TRANK1: variants seen among roughly 807,000 people sequenced by gnomAD.
TRANK1 encodes the protein tetratricopeptide repeat and ankyrin repeat containing 1, also known as TPR and ankyrin repeat-containing protein 1.
A neutral mutation model predicts 266.0 loss-of-function variants in TRANK1; 198 were observed. The ratio of observed to expected loss-of-function variants is 0.74; its 90% CI spans 0.66 to 0.84. TRANK1 has a LOEUF of 0.84. TRANK1 is among the 40% of genes least tolerant of loss of function. The pLI is 0.00. For synonymous variants in TRANK1, 1,396 were observed against 1,384.1 expected, an observed-to-expected ratio of 1.01 and a Z score of -0.19; for missense variants, 3,326 against 3,634.6, an observed-to-expected ratio of 0.92 and a Z score of 2.18.
chr3:36,935,389 A>C (rs1394043425), intron 1 of TRANK1, among the ~76,000 whole-genome samples: 1 of 151,194 alleles, frequency 6.6e-6, no homozygotes, highest in African/African-American at 2.4e-5. Flanking sequence ...TGGTCTCGAC[A>C]GCTCTGTGCC....
intron 9 of TRANK1, 55 bp from the exon 10 acceptor site, chr3:36,864,535 A>G: frequency 2.1e-6 from 3 of 1,460,222 alleles, no homozygotes; most frequent in Non-Finnish European, 1.8e-6. Context: ...GCTGTTACAG[A>G]TTGCAAAAAT....
Position 36,832,344 on chromosome 3 carries a change from G to A in TRANK1, c.7239C>T (p.Cys2413=). Residue 2413 remains cysteine, a synonymous_variant, in exon 22 of 24, where the codon TGC becomes TGT. Coordinates refer to ENST00000645898, the MANE Select transcript of TRANK1 (RefSeq NM_001329998.2). ...HLCFIRLLEN[C]IDQFYVYRNP... ...TCCTGTACACGTAGAATTGATCAAT[G>A]CAATTCTCCAGAAGCCGGATGAAGC... 6.2e-7 allele frequency: 1 copy of A among 1,613,980 alleles called. No homozygotes were observed. Among genetic ancestry groups the A allele is most frequent in the Non-Finnish European group, 8.5e-7 (1 of 1,179,894 alleles).
In TRANK1 at chr3:36,886,865, T is replaced by C. The variant is rs542362917; in HGVS notation, c.907+2964A>G. On this transcript the variant is annotated intron_variant, in intron 8 of 23. Coordinates refer to ENST00000645898, the MANE Select transcript of TRANK1 (RefSeq NM_001329998.2). ...TACTATGGTCTTTAATTAATGTTGATTTAAAATTTTTCTTCCTTCCACCTA... is the reference window on the plus strand; with the variant it reads ...TACTATGGTCTTTAATTAATGTTGACTTAAAATTTTTCTTCCTTCCACCTA... Among the ~76,000 whole-genome samples the C allele has an allele frequency of 7.9e-5, 12 of 152,182 alleles. No homozygotes were observed. In the South Asian group the frequency reaches 2.3e-3, roughly 29 times the overall value.
At chr3:36,884,011 T>C (rs1230896121) in intron 8 of TRANK1, among the ~76,000 whole-genome samples, 1 of 152,196 alleles carries the variant, frequency 6.6e-6, no homozygotes, top group Non-Finnish European at 1.5e-5. Flanking sequence ...TCAGTAAATG[T>C]GTTTCTCACA....
intron 16 of TRANK1, among the ~76,000 whole-genome samples, chr3:36,846,818 C>T (rs1183783134): frequency 6.6e-6 from 1 of 152,210 alleles, no homozygotes; most frequent in East Asian, 1.9e-4. Flanking sequence ...TTACATCTTA[C>T]ACAATTGCTG....
At chr3:36,936,602 A>G (rs1371232546) in intron 1 of TRANK1, among the ~76,000 whole-genome samples, 1 of 152,234 alleles carries the variant, frequency 6.6e-6, no homozygotes, top group Non-Finnish European at 1.5e-5. Context: ...CAATAATTTC[A>G]CAAAAGGAGG....
Position 36,831,024 on chromosome 3 carries a change from C to T in TRANK1, c.8559G>A (p.Lys2853=), listed in dbSNP as rs2078685642. 2 of 1,614,054 alleles carry T rather than the reference C, an allele frequency of 1.2e-6. No homozygotes were observed. The highest frequency in any genetic ancestry group is 1.7e-6 in the Non-Finnish European group (2 of 1,179,906). ...TTTGCTCGATGTCCTGCACCACCAGCTTGCCTTCATCAATGGCCGGGTCCA... is the reference window on the plus strand; with the variant it reads ...TTTGCTCGATGTCCTGCACCACCAGTTTGCCTTCATCAATGGCCGGGTCCA... ...EKVDPAIDEG[K]LVVQDIEQSV... Residue 2853 remains lysine (K), a synonymous_variant, in exon 22 of 24, where the codon AAG becomes AAA. Transcript: ENST00000645898. The surrounding 1 kb of genome is among the most constrained non-coding windows in gnomAD (Gnocchi z 5.0).
chr3:36,908,448 G>A lies in TRANK1; in HGVS notation c.30C>T (p.Asp10=). Residue 10 remains aspartate, a synonymous_variant, in exon 2 of 24, where the codon GAC becomes GAT. Coordinates refer to ENST00000645898, the MANE Select transcript of TRANK1 (RefSeq NM_001329998.2). MWDPRAARM[D]LTAYAELLKE... is the part of the protein sequence containing the mutation. ...TCAGCAGCTCAGCGTAAGCTGTCAG[G>A]TCCATCCTGTGAGGAGACGGGGGAG... 1 of 1,232,186 alleles carries A rather than the reference G, an allele frequency of 8.1e-7. No homozygotes were observed. The highest frequency in any genetic ancestry group is 1.0e-6 in the Non-Finnish European group (1 of 987,988). The allele number at this position is 1,232,186 out of a possible 1,614,324, so 76.3% of individuals were successfully genotyped here. A position where few individuals can be genotyped will look rare whatever the true frequency, so the allele number is the denominator to read the frequency against.
intron 8 of TRANK1, among the ~76,000 whole-genome samples, chr3:36,883,444 C>CAAAA (rs34988717): frequency 1.1e-5 from 1 of 93,460 alleles, no homozygotes; most frequent in Non-Finnish European, 2.5e-5. Context: ...GACTCTGTCT[C>CAAAA]AAAAAAAAAA....
chr3:36,923,546 G>A (rs11710779), intron 1 of TRANK1, among the ~76,000 whole-genome samples: 22,542 of 152,042 alleles, frequency 0.15, 2,074 homozygotes, highest in South Asian at 0.23. Context: ...GTGAGCCACC[G>A]CGCCTGGCCT....
intron 1 of TRANK1, among the ~76,000 whole-genome samples, chr3:36,941,876 C>T (rs769157307): frequency 1.3e-5 from 2 of 152,162 alleles, no homozygotes; most frequent in African/African-American, 2.4e-5. Context: ...AATGAGCCTG[C>T]GGTCACTCTG....
chr3:36,914,716 C>T (rs999165556), intron 1 of TRANK1, among the ~76,000 whole-genome samples: 5 of 151,912 alleles, frequency 3.3e-5, no homozygotes, highest in Non-Finnish European at 5.9e-5. Context: ...CGGCTCACTG[C>T]AACCTCTGCC....
At chr3:36,845,841 T>A (rs995247410) in intron 17 of TRANK1, among the ~76,000 whole-genome samples, 1 of 152,214 alleles carries the variant, frequency 6.6e-6, no homozygotes, top group Non-Finnish European at 1.5e-5. Context: ...TACGCAGGTA[T>A]CTTTGAGATT....
chr3:36,920,272 GAC>G (rs909383524), intron 1 of TRANK1, among the ~76,000 whole-genome samples: 6 of 152,154 alleles, frequency 3.9e-5, no homozygotes, highest in African/African-American at 1.2e-4. Flanking sequence ...AGGAAGTTCT[GAC>G]ACTCTACCCA....
rs1409284659 is a variant in TRANK1, at chr3:36,857,171, T to C, written c.2551A>G (p.Met851Val). The C allele has an allele frequency of 6.2e-7, 1 of 1,613,968 alleles. No individual in the cohort carries two copies. The highest frequency in any genetic ancestry group is 1.1e-5 in the South Asian group (1 of 91,088). Reference protein sequence around the residue: ...EMLKKLSSKVMTKVIKKKIIL... With the variant: ...EMLKKLSSKVVTKVIKKKIIL... ...ATTTTCTTCTTGATGACCTTGGTCA[T>C]TACCTTACTAGACAGCTTCTTCAGC... is the stretch of plus-strand genomic sequence containing the variant. The change falls in exon 13 of 24, where the codon ATG becomes GTG. Residue 851 changes from methionine (M) to valine (V), a missense_variant. Transcript: ENST00000645898. This position sits in a 1 kb window ranked among gnomAD's most constrained non-coding sequence, Gnocchi z 4.3.
At chr3:36,919,480 A>C (rs1442593793) in intron 1 of TRANK1, among the ~76,000 whole-genome samples, 2 of 152,224 alleles carry the variant, frequency 1.3e-5, no homozygotes, top group Non-Finnish European at 2.9e-5. Context: ...ATTGCTGTGT[A>C]GTGTTTGATT....
chr3:36,906,500 T>C (rs2079970337), intron 2 of TRANK1, among the ~76,000 whole-genome samples: 1 of 152,182 alleles, frequency 6.6e-6, no homozygotes, highest in South Asian at 2.1e-4. Flanking sequence ...CAAACTTTTG[T>C]GATTAACAAA....
intron 1 of TRANK1, among the ~76,000 whole-genome samples, chr3:36,922,263 T>C (rs2080226535): frequency 6.6e-6 from 1 of 152,228 alleles, no homozygotes; most frequent in South Asian, 2.1e-4. Flanking sequence ...TCCAATGTGG[T>C]AACCACACAT....
chr3:36,903,796 A>G (rs866570309), intron 2 of TRANK1, among the ~76,000 whole-genome samples: 1 of 152,246 alleles, frequency 6.6e-6, no homozygotes, highest in Non-Finnish European at 1.5e-5. Flanking sequence ...CAGGGCAGGG[A>G]TGGCTCTGGC....
Sources: gnomAD v4.1 joint callset for allele counts (sites outside exome capture counted in the v4.1 genomes callset) on GRCh38, gnomAD v4.1.1 for gene constraint, Gnocchi (gnomAD v3.1) non-coding constraint, MANE v1.5 for transcripts, NCBI Gene and HGNC (gene_info 2026-07-23, HGNC 2026-07-21) for gene names.